Variants in AARS1 observed in about 807,000 individuals in gnomAD.
AARS1 encodes alanine--tRNA ligase, cytoplasmic.
Under a neutral mutation model 108.9 loss-of-function variants are expected in AARS1, and 72 were observed. That is an observed-to-expected ratio of 0.66 (90% CI 0.55 to 0.80). The LOEUF is 0.80. Among genes scored for constraint, AARS1 ranks in the 30% least tolerant of loss-of-function variants. The pLI is 0.00. For missense variants in AARS1, 1,193 were observed against 1,233.2 expected, an observed-to-expected ratio of 0.97 and a Z score of 0.49; for synonymous variants, 489 against 465.7, an observed-to-expected ratio of 1.05 and a Z score of -0.64.
Position 70,261,257 on chromosome 16 carries a change from A to G in AARS1, c.1672-100T>C, listed in dbSNP as rs116544164. On this transcript the variant is annotated intron_variant, in intron 12 of 20. Coordinates refer to ENST00000261772, the MANE Select transcript of AARS1 (RefSeq NM_001605.3). Reference sequence around the variant, plus strand: ...ACTCGTGTATATAACTTCTCTTTACATATGTAAATTGCACACACACACATA... The same window carrying G: ...ACTCGTGTATATAACTTCTCTTTACGTATGTAAATTGCACACACACACATA... The G allele has an allele frequency of 1.1e-3, 934 of 817,826 alleles. 8 individuals carry two copies. In the African/African-American group the frequency reaches 0.015, roughly 13 times the overall value. 50.7% of individuals were successfully genotyped at this position (817,826 alleles called of 1,614,324 possible). A position where few individuals can be genotyped will look rare whatever the true frequency, so the allele number is the denominator to read the frequency against.
chr16:70,287,205 A>C (rs1960866870), intron 1 of AARS1, among the ~76,000 whole-genome samples: 1 of 130,790 alleles, frequency 7.6e-6, no homozygotes, highest in African/African-American at 2.9e-5. Flanking sequence ...CAGTGAGCCG[A>C]GATCGCGCCA....
At chr16:70,265,444 G>A in intron 10 of AARS1, 94 bp downstream of exon 10, 1 of 1,586,414 alleles carries the variant, frequency 6.3e-7, no homozygotes, top group Non-Finnish European at 8.6e-7. Flanking sequence ...GCACTTCAAA[G>A]ACTTTAATGG....
chr16:70,268,142 T>A (rs1960309973), intron 8 of AARS1, 129 bp downstream of exon 8: 1 of 883,188 alleles, frequency 1.1e-6, no homozygotes, highest in African/African-American at 1.7e-5. Flanking sequence ...CACTCCAGCG[T>A]GGGTGACAGA....
intron 13 of AARS1, 22 bp downstream of exon 13, chr16:70,261,022 G>C (rs1214857896): frequency 6.4e-7 from 1 of 1,558,906 alleles, no homozygotes; most frequent in Non-Finnish European, 8.8e-7. Flanking sequence ...GATCCAATGG[G>C]GGCCACAGTA....
intron 12 of AARS1, among the ~76,000 whole-genome samples, chr16:70,261,590 T>TC (rs1960133171): frequency 9.4e-6 from 1 of 105,962 alleles, no homozygotes; most frequent in Non-Finnish European, 1.8e-5. Flanking sequence ...AGAGCGAGAC[T>TC]CCATCTCAAA....
At chr16:70,284,726 T>C (rs994878245) in intron 1 of AARS1, among the ~76,000 whole-genome samples, 8 of 152,324 alleles carry the variant, frequency 5.3e-5, no homozygotes, top group African/African-American at 1.7e-4. Context: ...TGCCACAAAC[T>C]GCTGTGTCTA....
chr16:70,282,587 A>G, intron 2 of AARS1, 33 bp downstream of exon 2: 1 of 1,613,526 alleles, frequency 6.2e-7, no homozygotes, highest in Non-Finnish European at 8.5e-7. Context: ...TCTTATGTGA[A>G]CCAAAAGCCA....
At chr16:70,282,940 C>T (rs1399052859) in intron 1 of AARS1, among the ~76,000 whole-genome samples, 156 bp from the exon 2 acceptor site, 3 of 152,200 alleles carry the variant, frequency 2.0e-5, no homozygotes, top group Non-Finnish European at 4.4e-5. Flanking sequence ...AGGCTAAAAT[C>T]ATCATCACCA....
At chr16:70,253,181 C>G in intron 20 of AARS1, 87 bp downstream of exon 20, 1 of 1,169,470 alleles carries the variant, frequency 8.6e-7, no homozygotes, top group African/African-American at 1.5e-5. Context: ...GGCAGAAAGG[C>G]TGTTTCGAAT....
At chr16:70,280,898 G>A (rs1021351456) in intron 2 of AARS1, among the ~76,000 whole-genome samples, 9 of 152,096 alleles carry the variant, frequency 5.9e-5, no homozygotes, top group Non-Finnish European at 1.3e-4. Context: ...TATGATCAGG[G>A]ATCACCATAG....
At chr16:70,261,361 T>C in intron 12 of AARS1, 5 of 429,972 alleles carry the variant, frequency 1.2e-5, no homozygotes, top group South Asian at 2.1e-5. Flanking sequence ...TTTGGGAGGC[T>C]CAGGTGAGTA....
In AARS1 at chr16:70,276,405, A is replaced by G. The variant is rs980223250; in HGVS notation, c.479+81T>C. ...ACCCTGAGATGCAAAATGACCACAT[A>G]TTCCAGGTCATAAAACCCCACTCTG... On this transcript the variant is annotated intron_variant, in intron 4 of 20. Coordinates refer to ENST00000261772, the MANE Select transcript of AARS1 (RefSeq NM_001605.3). 7.4e-6 allele frequency: 11 copies of G among 1,493,574 alleles called. No individual in the cohort carries two copies. In the African/African-American group the frequency reaches 1.5e-4, roughly 21 times the overall value. The allele number at this position is 1,493,574 out of a possible 1,614,324, so 92.5% of individuals were successfully genotyped here.
At chr16:70,279,051 A>C (rs890313941) in intron 2 of AARS1, among the ~76,000 whole-genome samples, 1 of 152,150 alleles carries the variant, frequency 6.6e-6, no homozygotes, top group Non-Finnish European at 1.5e-5. Context: ...AGCTACTGTC[A>C]ATAAGAAAAT....
chr16:70,287,425 T>C (rs1170541696), intron 1 of AARS1, among the ~76,000 whole-genome samples: 1 of 149,342 alleles, frequency 6.7e-6, no homozygotes, highest in Non-Finnish European at 1.5e-5. Context: ...GAGACCTGTT[T>C]CAACTTTTTT....
At chr16:70,284,044 AG>A (rs1418592937) in intron 1 of AARS1, among the ~76,000 whole-genome samples, 1 of 152,044 alleles carries the variant, frequency 6.6e-6, no homozygotes, top group Non-Finnish European at 1.5e-5. Flanking sequence ...AGATCTTGTC[AG>A]TACAAATAGT....
chr16:70,254,105 C>T, intron 17 of AARS1, 67 bp from the exon 18 acceptor site: 1 of 1,602,476 alleles, frequency 6.2e-7, no homozygotes, highest in Non-Finnish European at 8.5e-7. Context: ...TCCAGCCCAC[C>T]CCACCCGAAC....
At chr16:70,286,464 G>T (rs1268488414) in intron 1 of AARS1, among the ~76,000 whole-genome samples, 1 of 150,518 alleles carries the variant, frequency 6.6e-6, no homozygotes, top group Non-Finnish European at 1.5e-5. Flanking sequence ...AGGCTCAGGT[G>T]TTCCTCCCAC....
chr16:70,286,873 T>TG (rs537756219), intron 1 of AARS1, among the ~76,000 whole-genome samples: 2,742 of 151,840 alleles, frequency 0.018, 88 homozygotes, highest in African/African-American at 0.061. Context: ...CCCAGCACTT[T>TG]GGGGGGCCGA....
At chr16:70,279,923 C>A (rs1235441078) in intron 2 of AARS1, among the ~76,000 whole-genome samples, 1 of 152,002 alleles carries the variant, frequency 6.6e-6, no homozygotes, top group Admixed American at 6.6e-5. Context: ...CAGGGTCTTG[C>A]TCTGTCACCC....
Sources: gnomAD v4.1 joint callset for allele counts (sites outside exome capture counted in the v4.1 genomes callset) on GRCh38, gnomAD v4.1.1 for gene constraint, MANE v1.5 for transcripts, NCBI Gene and HGNC (gene_info 2026-07-23, HGNC 2026-07-21) for gene names.